VWC2: variants seen among roughly 807,000 people sequenced by gnomAD.
VWC2 encodes von Willebrand factor C domain containing 2, also known as brorin.
A neutral mutation model predicts 29.8 loss-of-function variants in VWC2; 14 were observed. The ratio of observed to expected loss-of-function variants is 0.47; its 90% CI spans 0.31 to 0.74. VWC2 has a LOEUF of 0.74. Ranked by LOEUF, VWC2 falls within the 30% of genes least tolerant of loss-of-function variation. The pLI, the probability that VWC2 is intolerant of heterozygous loss-of-function variation, is 0.05. For missense variants in VWC2, 457 were observed against 459.8 expected, an observed-to-expected ratio of 0.99 and a Z score of 0.05; for synonymous variants, 213 against 199.0, an observed-to-expected ratio of 1.07 and a Z score of -0.59.
At chr7:49,864,779 C>A (rs912385160) in intron 3 of VWC2, among the ~76,000 whole-genome samples, 1 of 152,204 alleles carries the variant, frequency 6.6e-6, no homozygotes, top group Non-Finnish European at 1.5e-5. Flanking sequence ...AAGTTCCCAG[C>A]ATGGGAATGG....
intron 3 of VWC2, among the ~76,000 whole-genome samples, chr7:49,829,049 G>T (rs150450712): frequency 6.6e-6 from 1 of 152,154 alleles, no homozygotes; most frequent in African/African-American, 2.4e-5. Flanking sequence ...TAACCCTGCC[G>T]CTTCCCAGTG....
chr7:49,832,176 C>T (rs1789547360), intron 3 of VWC2, among the ~76,000 whole-genome samples: 1 of 152,142 alleles, frequency 6.6e-6, no homozygotes, highest in Non-Finnish European at 1.5e-5. Flanking sequence ...ATCCACACAT[C>T]TAAGTCATAT....
At chr7:49,798,056 C>T (rs972005877) in intron 2 of VWC2, among the ~76,000 whole-genome samples, 4 of 152,200 alleles carry the variant, frequency 2.6e-5, no homozygotes, top group East Asian at 1.9e-4. Context: ...GTCATCTGAT[C>T]GGAAAAAATG....
chr7:49,782,455 A>G (rs1788199190), intron 2 of VWC2, among the ~76,000 whole-genome samples: 1 of 151,982 alleles, frequency 6.6e-6, no homozygotes, highest in East Asian at 1.9e-4. Flanking sequence ...AGGACAGGGT[A>G]CTTATCATCT....
At chr7:49,833,435 G>A (rs997726471) in intron 3 of VWC2, among the ~76,000 whole-genome samples, 1 of 152,156 alleles carries the variant, frequency 6.6e-6, no homozygotes, top group Non-Finnish European at 1.5e-5. Context: ...GTAGAGAAAA[G>A]ATTTTATTCA....
rs371015031 is a variant in VWC2 at position 49,874,981 on chromosome 7, C to T, written c.827-37053C>T. On this transcript the variant is annotated intron_variant, in intron 3 of 3. Coordinates refer to ENST00000340652, the MANE Select transcript of VWC2 (RefSeq NM_198570.5). Reference sequence around the variant, plus strand: ...TGCAGAGGTGTCTTTGAAATAGTTTCATCGTTTCCAATGGATAAAAGAAAT... The same window carrying T: ...TGCAGAGGTGTCTTTGAAATAGTTTTATCGTTTCCAATGGATAAAAGAAAT... Among the ~76,000 whole-genome samples the T allele has an allele frequency of 9.9e-5, 15 of 152,068 alleles. No individual in the cohort carries two copies. In the East Asian group the frequency reaches 1.7e-3, roughly 18 times the overall value.
In VWC2 at chr7:49,775,695, G is replaced by A; in HGVS notation, c.260G>A (p.Arg87His). The change falls in exon 2 of 4, where the codon CGT becomes CAT. Residue 87 changes from arginine (R) to histidine (H), a missense_variant. Coordinates refer to ENST00000340652, the MANE Select transcript of VWC2 (RefSeq NM_198570.5). ...AAGAGCGGCCGTGGGCTCGCCGGCC[G>A]TGAGCCGTGGAGCAAGCTGAAGCAG... ...KSKSGRGLAG[R>H]EPWSKLKQAW... The A allele has an allele frequency of 1.3e-6, 2 of 1,523,840 alleles. No individual in the cohort carries two copies. The highest frequency in any genetic ancestry group is 1.8e-6 in the Non-Finnish European group (2 of 1,138,688). The allele number at this position is 1,523,840 out of a possible 1,614,324, so 94.4% of individuals were successfully genotyped here.
intron 2 of VWC2, among the ~76,000 whole-genome samples, chr7:49,801,301 C>T (rs528543549): frequency 1.3e-5 from 2 of 152,294 alleles, no homozygotes; most frequent in African/African-American, 4.8e-5. Flanking sequence ...GTCTCCCTGC[C>T]CCTGGCAAAG....
chr7:49,837,839 G>C, intron 3 of VWC2, among the ~76,000 whole-genome samples: 1 of 152,162 alleles, frequency 6.6e-6, no homozygotes, highest in South Asian at 2.1e-4. Context: ...TGTTGCCTAG[G>C]AGGAGCATAT....
intron 3 of VWC2, among the ~76,000 whole-genome samples, chr7:49,844,561 A>G (rs969898911): frequency 1.3e-5 from 2 of 152,234 alleles, no homozygotes; most frequent in Non-Finnish European, 1.5e-5. Flanking sequence ...ATTGTAGCAA[A>G]CAGAAGCCCT....
chr7:49,839,685 T>C (rs1443939664), intron 3 of VWC2, among the ~76,000 whole-genome samples: 1 of 152,062 alleles, frequency 6.6e-6, no homozygotes, highest in Non-Finnish European at 1.5e-5. Flanking sequence ...CTGAGGACTA[T>C]GTATGTTGGA....
intron 3 of VWC2, among the ~76,000 whole-genome samples, chr7:49,882,600 T>G (rs538481012): frequency 2.0e-5 from 3 of 150,818 alleles, no homozygotes; most frequent in Admixed American, 6.6e-5. Context: ...GAGACAGAGA[T>G]AGTGAGTACA....
At chr7:49,779,000 A>G (rs990263715) in intron 2 of VWC2, among the ~76,000 whole-genome samples, 1 of 152,138 alleles carries the variant, frequency 6.6e-6, no homozygotes, top group Non-Finnish European at 1.5e-5. Context: ...TGCAAGATGC[A>G]TAGATCCTTT....
chr7:49,783,325 A>AG lies in VWC2; in HGVS notation c.696+7199dup, dbSNP rs547019892. Among the ~76,000 whole-genome samples, 162 of 152,162 alleles carry AG rather than the reference A, an allele frequency of 1.1e-3. No individual in the cohort carries two copies. In the South Asian group the frequency reaches 0.016, roughly 15 times the overall value. ...TGTGAGAGCTTGGGTCAGGGGGTCA[A>AG]GGGGGCACACAGTAGAAGCCACTCT... is the stretch of plus-strand genomic sequence containing the variant. On this transcript the variant is annotated intron_variant, in intron 2 of 3. Coordinates refer to ENST00000340652, the MANE Select transcript of VWC2 (RefSeq NM_198570.5).
chr7:49,844,653 G>A lies in VWC2; in HGVS notation c.826+41813G>A, dbSNP rs556368095. Among the ~76,000 whole-genome samples, 5 of 152,250 alleles carry A rather than the reference G, an allele frequency of 3.3e-5. 1 individual carries two copies. In the South Asian group the frequency reaches 1.0e-3, roughly 32 times the overall value. ...GGTTTAGGGTCAATGGATCTGACACGTAGCAGCCACATTACCTTGGGCAAG... is the reference window on the plus strand; with the variant it reads ...GGTTTAGGGTCAATGGATCTGACACATAGCAGCCACATTACCTTGGGCAAG... On this transcript the variant is annotated intron_variant, in intron 3 of 3. Transcript: ENST00000340652.
intron 3 of VWC2, among the ~76,000 whole-genome samples, chr7:49,880,169 T>A: frequency 6.6e-6 from 1 of 152,192 alleles, no homozygotes; most frequent in Non-Finnish European, 1.5e-5. Flanking sequence ...ACTAAGAGTA[T>A]CTGCTAAATT....
intron 3 of VWC2, among the ~76,000 whole-genome samples, chr7:49,890,897 C>T (rs1387862131): frequency 6.6e-6 from 1 of 151,040 alleles, no homozygotes; most frequent in Non-Finnish European, 1.5e-5. Flanking sequence ...AGGAAACTCA[C>T]AAGCCAGGAG....
At chr7:49,805,882 C>A (rs373791973) in intron 3 of VWC2, among the ~76,000 whole-genome samples, 2 of 152,132 alleles carry the variant, frequency 1.3e-5, no homozygotes, top group African/African-American at 4.8e-5. Flanking sequence ...GCTCTTTCTC[C>A]GACAGAAGGA....
chr7:49,813,904 G>A (rs1789070437), intron 3 of VWC2, among the ~76,000 whole-genome samples: 1 of 152,174 alleles, frequency 6.6e-6, no homozygotes, highest in Non-Finnish European at 1.5e-5. Flanking sequence ...ATATTTAGCA[G>A]AAACACACAA....
Sources: allele counts gnomAD v4.1 joint callset (sites outside exome capture counted in the v4.1 genomes callset), GRCh38; gene constraint gnomAD v4.1.1; transcripts MANE v1.5; gene names NCBI Gene and HGNC (gene_info 2026-07-23, HGNC 2026-07-21).